The following PRKG1 variants were observed in gnomAD, a reference collection of about 807,000 sequenced individuals.
PRKG1 encodes the protein protein kinase cGMP-dependent 1.
Under a neutral mutation model 88.1 loss-of-function variants are expected in PRKG1, and 35 were observed. The ratio of observed to expected loss-of-function variants is 0.40; its 90% confidence interval spans 0.30 to 0.53. PRKG1 has a LOEUF of 0.53. Ranked by LOEUF, PRKG1 falls within the 20% of genes least tolerant of loss-of-function variation. PRKG1 has a pLI of 0.59. For synonymous variants in PRKG1, 303 were observed against 292.5 expected (o/e 1.04, Z -0.37); for missense variants, 540 against 839.8 (o/e 0.64, Z 4.41).
At chr10:51,834,656 G>A (rs1202911322) in intron 4 of PRKG1, among the ~76,000 whole-genome samples, 1 of 133,258 alleles carries the variant, frequency 7.5e-6, no homozygotes, top group African/African-American at 2.9e-5. Context: ...CAAAAAGAAA[G>A]AAAGAAGGAA....
intron 3 of PRKG1, among the ~76,000 whole-genome samples, chr10:51,628,055 C>CCTTT (rs1420531230): frequency 1.4e-5 from 2 of 138,542 alleles, no homozygotes; most frequent in Admixed American, 7.4e-5. Flanking sequence ...TCTTTCCTTT[C>CCTTT]CTTTCTTTCT....
rs182344489 is a variant in PRKG1 at position 51,648,155 on chromosome 10, A to G, written c.593-156430A>G. ...TTATTATTCAATAAATATTTATGGG[A>G]TGCCTCCCCTGAACAAGGCCTAATT... On this transcript the variant is annotated intron_variant, in intron 3 of 17. Transcript: ENST00000373980. 5.9e-5 allele frequency among the ~76,000 whole-genome samples: 9 copies of G among 152,210 alleles called. No individual in the cohort carries two copies. In the East Asian group the frequency reaches 1.5e-3, roughly 26 times the overall value.
Position 52,079,438 on chromosome 10 carries a change from G to A in PRKG1, c.935+16807G>A, listed in dbSNP as rs75000271. Among the ~76,000 whole-genome samples, 1,229 of 152,020 alleles carry A rather than the reference G, an allele frequency of 8.1e-3. 8 individuals carry two copies. The highest frequency in any genetic ancestry group is 0.026 in the African/African-American group (1,076 of 41,480). On this transcript the variant is annotated intron_variant, in intron 7 of 17. Transcript: ENST00000373980. ...TCCCTAAGAAAAAAAGAATCTTTGGGGTCAGACAGATATGTCCATATGAAG... is the reference window on the plus strand; with the variant it reads ...TCCCTAAGAAAAAAAGAATCTTTGGAGTCAGACAGATATGTCCATATGAAG...
intron 2 of PRKG1, among the ~76,000 whole-genome samples, chr10:51,155,489 G>A (rs1846183458): frequency 6.6e-6 from 1 of 151,898 alleles, no homozygotes; most frequent in South Asian, 2.1e-4. Context: ...ATTTGCCCAG[G>A]TCTCCCAACT....
intron 2 of PRKG1, among the ~76,000 whole-genome samples, chr10:51,255,581 G>T (rs1839536880): frequency 6.6e-6 from 1 of 152,078 alleles, no homozygotes; most frequent in Admixed American, 6.6e-5. Context: ...TGCTTTTTCT[G>T]CTGAGATTGT....
chr10:51,189,888 C>T (rs1325544811), intron 2 of PRKG1, among the ~76,000 whole-genome samples: 2 of 151,898 alleles, frequency 1.3e-5, no homozygotes, highest in Non-Finnish European at 2.9e-5. Context: ...GGGTGGCCTA[C>T]TGTGCCCATT....
rs759657910 is a variant in PRKG1, at chr10:52,282,140, CTCTCTTTG to C, written c.1546-11_1546-4del. On this transcript the variant is annotated splice_region_variant and splice_polypyrimidine_tract_variant and intron_variant, in intron 13 of 17. Coordinates refer to ENST00000373980, the MANE Select transcript of PRKG1 (RefSeq NM_006258.4). ...TAAGGAGCTTAAGTATCTTGTTTTT[CTCTCTTTG>C]TAAGGTTGATTTTGGCTTTGCAAAG... 1.9e-6 allele frequency: 3 copies of C among 1,569,244 alleles called. No homozygotes were observed. The South Asian group carries it at 3.6e-5, about 19-fold the overall frequency.
intron 3 of PRKG1, among the ~76,000 whole-genome samples, chr10:51,475,543 A>G (rs1480528967): frequency 6.6e-6 from 1 of 152,036 alleles, no homozygotes; most frequent in Non-Finnish European, 1.5e-5. Context: ...AGACACTATA[A>G]TAAGTAGTCA....
At chr10:51,365,460 G>A (rs1038120295) in intron 2 of PRKG1, among the ~76,000 whole-genome samples, 5 of 151,988 alleles carry the variant, frequency 3.3e-5, no homozygotes, top group Non-Finnish European at 5.9e-5. Flanking sequence ...CTTAAAGTTT[G>A]TGGCTTCCAA....
intron 4 of PRKG1, among the ~76,000 whole-genome samples, chr10:51,855,558 A>T (rs759347312): frequency 4.0e-4 from 61 of 152,220 alleles, no homozygotes; most frequent in Non-Finnish European, 5.9e-4. Flanking sequence ...CAAGCAAGTC[A>T]TTTGGCAAGC....
intron 10 of PRKG1, among the ~76,000 whole-genome samples, chr10:52,256,302 A>G (rs12263153): frequency 0.016 from 2,254 of 139,040 alleles, 255 homozygotes; most frequent in African/African-American, 0.053. Flanking sequence ...TTATATCCTC[A>G]GAGGCTCCCC....
chr10:51,403,801 A>G (rs1837826827), intron 2 of PRKG1, among the ~76,000 whole-genome samples: 1 of 152,194 alleles, frequency 6.6e-6, no homozygotes, highest in African/African-American at 2.4e-5. Flanking sequence ...ATTTCTTTCT[A>G]TCCCTTGGTT....
chr10:51,402,823 A>G (rs913359807), intron 2 of PRKG1, among the ~76,000 whole-genome samples: 1 of 152,186 alleles, frequency 6.6e-6, no homozygotes, highest in African/African-American at 2.4e-5. Flanking sequence ...CTGATGGCAA[A>G]TTGCAAGGAC....
chr10:51,193,799 A>T (rs952364603), intron 2 of PRKG1, among the ~76,000 whole-genome samples: 9 of 152,088 alleles, frequency 5.9e-5, no homozygotes, highest in Non-Finnish European at 1.3e-4. Context: ...TGTTTGATCC[A>T]TCCACCCACA....
chr10:51,330,152 A>AT (rs1433847581), intron 2 of PRKG1, among the ~76,000 whole-genome samples: 2 of 116,026 alleles, frequency 1.7e-5, no homozygotes, highest in Non-Finnish European at 3.7e-5. Flanking sequence ...TTTATTTTTT[A>AT]TTTATTTTTT....
At chr10:52,050,373 T>C (rs1008911886) in intron 5 of PRKG1, among the ~76,000 whole-genome samples, 2 of 152,188 alleles carry the variant, frequency 1.3e-5, no homozygotes, top group Admixed American at 6.6e-5. Flanking sequence ...TGCTAAGATT[T>C]CTTCTTACTC....
In PRKG1 at chr10:51,590,282, A is replaced by G. The variant is rs986540173; in HGVS notation, c.592+122446A>G. On this transcript the variant is annotated intron_variant, in intron 3 of 17. Transcript: ENST00000373980. ...TTCCTTCTTTGTCTTCCTATTGCAC[A>G]AGTGAAGAAACTGAGGCTTGGAGAG... Among the ~76,000 whole-genome samples, 4 of 152,172 alleles carry G rather than the reference A, an allele frequency of 2.6e-5. No homozygotes were observed. The East Asian group carries it at 5.8e-4, about 22-fold the overall frequency.
intron 2 of PRKG1, among the ~76,000 whole-genome samples, chr10:51,425,760 A>G (rs1030281021): frequency 2.0e-5 from 3 of 152,214 alleles, no homozygotes; most frequent in Admixed American, 2.0e-4. Flanking sequence ...TACTGATCAC[A>G]GGACATAGAC....
chr10:51,453,848 C>A (rs541318209), intron 2 of PRKG1, among the ~76,000 whole-genome samples: 71 of 152,062 alleles, frequency 4.7e-4, no homozygotes, highest in African/African-American at 1.7e-3. Context: ...CTAGAAAACT[C>A]TAAAGACTCA....
Sources: gnomAD v4.1 joint callset for allele counts (sites outside exome capture counted in the v4.1 genomes callset) on GRCh38, gnomAD v4.1.1 for gene constraint, MANE v1.5 for transcripts, NCBI Gene and HGNC (gene_info 2026-07-23, HGNC 2026-07-21) for gene names.